The following LRP1B variants were observed in gnomAD, a reference collection of about 807,000 sequenced individuals.
LRP1B encodes low-density lipoprotein receptor-related protein 1B.
In LRP1B, 217 loss-of-function variants were observed where a neutral mutation model predicts 556.6. The observed-to-expected ratio is 0.39, with a 90% CI of 0.35 to 0.44. The LOEUF is 0.44. Among genes scored for constraint, LRP1B ranks in the 20% least tolerant of loss-of-function variants. The probability of loss-of-function intolerance (pLI) is 1.00; values close to 1 mark genes in which losing one functional copy is unlikely to be tolerated. For missense variants in LRP1B, 5,053 were observed against 5,620.8 expected, an observed-to-expected ratio of 0.90 and a Z score of 3.23; for synonymous variants, 2,047 against 1,865.8, an observed-to-expected ratio of 1.10 and a Z score of -2.50.
intron 84 of LRP1B, among the ~76,000 whole-genome samples, chr2:140,281,446 G>T (rs1362495579): frequency 6.6e-6 from 1 of 151,570 alleles, no homozygotes; most frequent in Non-Finnish European, 1.5e-5. Flanking sequence ...AGCTAAGCAG[G>T]GTATGAAGAT....
intron 3 of LRP1B, among the ~76,000 whole-genome samples, chr2:141,317,171 G>C (rs1300633436): frequency 6.6e-6 from 1 of 152,120 alleles, no homozygotes; most frequent in African/African-American, 2.4e-5. Context: ...ATAAGCTCTA[G>C]ACCTAAGAAT....
At chr2:142,015,689 C>A (rs1290997775) in intron 1 of LRP1B, among the ~76,000 whole-genome samples, 1 of 151,926 alleles carries the variant, frequency 6.6e-6, no homozygotes, top group Non-Finnish European at 1.5e-5. Context: ...AAAAAATCAA[C>A]CCCATCAAAA....
At chr2:140,798,812 G>A (rs1407283938) in intron 32 of LRP1B, among the ~76,000 whole-genome samples, 8 of 152,100 alleles carry the variant, frequency 5.3e-5, no homozygotes, top group African/African-American at 1.9e-4. Flanking sequence ...AGCATCACTG[G>A]TGTATTGGGA....
chr2:141,522,854 A>T (rs1279352564), intron 2 of LRP1B, among the ~76,000 whole-genome samples: 3 of 152,144 alleles, frequency 2.0e-5, no homozygotes. Context: ...TGTGAGCAAT[A>T]CCACTTGAGC....
intron 3 of LRP1B, among the ~76,000 whole-genome samples, chr2:141,466,559 T>C (rs77797036): frequency 0.054 from 8,187 of 151,600 alleles, 270 homozygotes; most frequent in Non-Finnish European, 0.067. Context: ...TAAAGGTAGA[T>C]ACTGTGTTTA....
At chr2:141,501,497 T>C (rs1299496496) in intron 2 of LRP1B, among the ~76,000 whole-genome samples, 2 of 152,144 alleles carry the variant, frequency 1.3e-5, no homozygotes, top group Non-Finnish European at 2.9e-5. Context: ...GATTCTGGCT[T>C]ATACTACAGT....
At chr2:142,096,270 A>G (rs1214728751) in intron 1 of LRP1B, among the ~76,000 whole-genome samples, 2 of 151,620 alleles carry the variant, frequency 1.3e-5, no homozygotes, top group Non-Finnish European at 3.0e-5. Flanking sequence ...AAGACTCGGT[A>G]ACAGTGTTTA....
intron 1 of LRP1B, among the ~76,000 whole-genome samples, chr2:142,083,563 A>G (rs1705798596): frequency 6.6e-6 from 1 of 152,224 alleles, no homozygotes; most frequent in Non-Finnish European, 1.5e-5. Context: ...TTTATGCTTG[A>G]TAGAATATAA....
chr2:141,717,562 GTTC>G (rs962963038), intron 2 of LRP1B, among the ~76,000 whole-genome samples: 3 of 152,132 alleles, frequency 2.0e-5, no homozygotes, highest in African/African-American at 7.2e-5. Context: ...ATCTAGGGCT[GTTC>G]TTCTGAGACT....
chr2:141,925,856 C>A (rs1016942139), intron 1 of LRP1B, among the ~76,000 whole-genome samples: 4 of 152,072 alleles, frequency 2.6e-5, no homozygotes, highest in African/African-American at 9.7e-5. Flanking sequence ...AAATTCCAGC[C>A]CTGTATTTCT....
chr2:141,759,159 T>G (rs921445342), intron 2 of LRP1B, among the ~76,000 whole-genome samples: 1 of 152,124 alleles, frequency 6.6e-6, no homozygotes, highest in African/African-American at 2.4e-5. Context: ...CTATAGACTT[T>G]TGGACCACAG....
At chr2:140,375,288 T>C (rs992190839) in intron 68 of LRP1B, among the ~76,000 whole-genome samples, 4 of 151,894 alleles carry the variant, frequency 2.6e-5, no homozygotes, top group Admixed American at 2.0e-4. Flanking sequence ...AGTAAGTTTG[T>C]TGTTGTGCAC....
chr2:141,922,039 A>G (rs1700199985), intron 1 of LRP1B, among the ~76,000 whole-genome samples: 1 of 152,304 alleles, frequency 6.6e-6, no homozygotes, highest in Non-Finnish European at 1.5e-5. Flanking sequence ...TAATCCTTAA[A>G]TATTAAGAAA....
chr2:141,953,288 T>C (rs1459632849), intron 1 of LRP1B, among the ~76,000 whole-genome samples: 1 of 152,144 alleles, frequency 6.6e-6, no homozygotes, highest in East Asian at 1.9e-4. Flanking sequence ...CTGTAAATGA[T>C]AATTCATTTT....
At chr2:141,820,319 G>T (rs879730572) in intron 1 of LRP1B, among the ~76,000 whole-genome samples, 1 of 152,088 alleles carries the variant, frequency 6.6e-6, no homozygotes, top group African/African-American at 2.4e-5. Flanking sequence ...ATAATTAATA[G>T]AAATAGAAAA....
At chr2:141,623,695 G>A (rs560560153) in intron 2 of LRP1B, among the ~76,000 whole-genome samples, 31 of 150,762 alleles carry the variant, frequency 2.1e-4, no homozygotes, top group African/African-American at 7.3e-4. Flanking sequence ...GCAACATAGA[G>A]ACATGTTATG....
intron 2 of LRP1B, among the ~76,000 whole-genome samples, chr2:141,755,342 C>G (rs1694277368): frequency 6.6e-6 from 1 of 151,868 alleles, no homozygotes. Context: ...TTACATACCC[C>G]AATTGAAAAT....
intron 43 of LRP1B, 103 bp downstream of exon 43, chr2:140,598,528 A>C: frequency 2.5e-6 from 2 of 814,938 alleles, no homozygotes; most frequent in South Asian, 3.4e-5. Context: ...TCAACTGGCT[A>C]TTTTGAAATT....
At chr2:141,170,414 G>A (rs1680452667) in intron 7 of LRP1B, among the ~76,000 whole-genome samples, 1 of 152,032 alleles carries the variant, frequency 6.6e-6, no homozygotes, top group South Asian at 2.1e-4. Context: ...TTCTTACACT[G>A]TGACTTCAGT....
Sources: gnomAD v4.1 joint callset for allele counts (sites outside exome capture counted in the v4.1 genomes callset) on GRCh38, gnomAD v4.1.1 for gene constraint, MANE v1.5 for transcripts, NCBI Gene and HGNC (gene_info 2026-07-23, HGNC 2026-07-21) for gene names.